Variants in TMEM128 observed in about 807,000 individuals in gnomAD.
TMEM128 encodes transmembrane protein 128.
TMEM128 carries 16 observed loss-of-function variants against 19.7 expected under a neutral mutation model. The observed-to-expected ratio is 0.81, with a 90% confidence interval of 0.55 to 1.23. The LOEUF (loss-of-function observed/expected upper bound fraction) is 1.23, where lower values mean the gene tolerates loss of function less well. Among genes scored for constraint, TMEM128 ranks in the 50% most tolerant of loss-of-function variants. TMEM128 has a pLI of 0.00. For missense variants in TMEM128, 237 were observed against 200.8 expected (o/e 1.18, Z -1.09); for synonymous variants, 98 against 75.8 (o/e 1.29, Z -1.52).
In TMEM128 at chr4:4,248,188, C is replaced by A; in HGVS notation, c.15G>T (p.Arg5=). The part of the protein sequence containing the change: MDSS[R]ARQQLRRRFL... ...ATCGCCGCCGGAGCTGCTGCCGGGC[C>A]CGCGAGGAGTCCATCTTGGTACCGC... Residue 5 remains arginine (R), a synonymous_variant, in exon 1 of 5, where the codon CGG becomes CGT. Coordinates refer to ENST00000382753, the MANE Select transcript of TMEM128 (RefSeq NM_001297551.2). The A allele has an allele frequency of 1.3e-6, 2 of 1,526,142 alleles. No homozygotes were observed. The highest frequency in any genetic ancestry group is 8.8e-7 in the Non-Finnish European group (1 of 1,137,310). 94.5% of individuals were successfully genotyped at this position (1,526,142 alleles called of 1,614,324 possible).
At chr4:4,245,851 TACC>T (rs1718148053) in intron 2 of TMEM128, among the ~76,000 whole-genome samples, 1 of 152,096 alleles carries the variant, frequency 6.6e-6, no homozygotes, top group South Asian at 2.1e-4. Context: ...GTGAAATTAT[TACC>T]ACAATCAAGT....
chr4:4,240,738 C>G (rs3894079), intron 2 of TMEM128, among the ~76,000 whole-genome samples: 47,065 of 152,016 alleles, frequency 0.31, 7,906 homozygotes, highest in East Asian at 0.46. Flanking sequence ...CATCAGCCAA[C>G]CAACCAAGGG....
At chr4:4,242,872 C>T (rs967218244) in intron 2 of TMEM128, among the ~76,000 whole-genome samples, 1 of 151,958 alleles carries the variant, frequency 6.6e-6, no homozygotes, top group Non-Finnish European at 1.5e-5. Flanking sequence ...AGTCAGTGGT[C>T]CTCGGCCCTG....
At chr4:4,247,747 A>G (rs1718248042) in intron 1 of TMEM128, 5 of 1,556,540 alleles carry the variant, frequency 3.2e-6, no homozygotes, top group Non-Finnish European at 4.4e-6. Flanking sequence ...CGGGCAAGGC[A>G]GATATTTCCA....
At chr4:4,239,665 A>G (rs759980393) in intron 3 of TMEM128, among the ~76,000 whole-genome samples, 1 of 152,226 alleles carries the variant, frequency 6.6e-6, no homozygotes, top group African/African-American at 2.4e-5. Flanking sequence ...TCTAAACACA[A>G]TCAACAAGGG....
intron 2 of TMEM128, among the ~76,000 whole-genome samples, chr4:4,242,662 G>A (rs887281310): frequency 5.9e-5 from 9 of 152,042 alleles, no homozygotes; most frequent in African/African-American, 2.2e-4. Flanking sequence ...GATATTACAG[G>A]TGCCCAACAC....
At chr4:4,244,832 ACACT>A (rs1419502496) in intron 2 of TMEM128, among the ~76,000 whole-genome samples, 1 of 152,206 alleles carries the variant, frequency 6.6e-6, no homozygotes, top group African/African-American at 2.4e-5. Flanking sequence ...TCTTCATCAC[ACACT>A]CAATCAGTCA....
intron 1 of TMEM128, 128 bp from the exon 2 acceptor site, chr4:4,246,471 TA>T (rs1718178860): frequency 1.1e-6 from 1 of 944,132 alleles, no homozygotes; most frequent in South Asian, 2.1e-5. Flanking sequence ...AATCCTTCTG[TA>T]AAACCCTTGA....
At chr4:4,239,949 G>A (rs1717881052) in intron 3 of TMEM128, among the ~76,000 whole-genome samples, 2 of 152,220 alleles carry the variant, frequency 1.3e-5, no homozygotes, top group African/African-American at 4.8e-5. Context: ...AACTGGGAGG[G>A]AGAATGAAGG....
chr4:4,242,094 G>A lies in TMEM128; in HGVS notation c.240-1615C>T, dbSNP rs1236930459. ...TTTTTGTATTTTTAGTAGAGATGGG[G>A]TTTCACCATGTCCATATTGGCCAGG... On this transcript the variant is annotated intron_variant, in intron 2 of 4. Coordinates refer to ENST00000382753, the MANE Select transcript of TMEM128 (RefSeq NM_001297551.2). Among the ~76,000 whole-genome samples, 35 of 152,168 alleles carry A rather than the reference G, an allele frequency of 2.3e-4. 1 individual carries two copies. Among genetic ancestry groups the A allele is most frequent in the Admixed American group, 2.2e-3 (34 of 15,280 alleles).
At chr4:4,246,120 C>T (rs1718159922) in intron 2 of TMEM128, 82 bp downstream of exon 2, 2 of 1,437,552 alleles carry the variant, frequency 1.4e-6, no homozygotes, top group East Asian at 2.3e-5. Context: ...TAGGTGCTTA[C>T]TGTTTGAAGA....
intron 2 of TMEM128, among the ~76,000 whole-genome samples, chr4:4,242,313 G>A (rs903841629): frequency 2.6e-5 from 4 of 151,760 alleles, no homozygotes; most frequent in African/African-American, 9.7e-5. Flanking sequence ...GGGGAGTATC[G>A]CCCCCAAAGT....
rs115345420 is a variant in TMEM128, at chr4:4,243,057, G to A, written c.240-2578C>T. ...AAACTGTGATTTCTAAAGCATCACA[G>A]TGTTGTTTTGTTATTATTTATTTAC... On this transcript the variant is annotated intron_variant, in intron 2 of 4. Coordinates refer to ENST00000382753, the MANE Select transcript of TMEM128 (RefSeq NM_001297551.2). 1.9e-3 allele frequency among the ~76,000 whole-genome samples: 294 copies of A among 152,218 alleles called. 1 individual carries two copies. The highest frequency in any genetic ancestry group is 6.6e-3 in the African/African-American group (272 of 41,524).
At position 4,248,098 on chromosome 4, in the gene TMEM128, C is replaced by T. The variant is rs1395490876; in HGVS notation, c.97+8G>A. 6.5e-7 allele frequency: 1 copy of T among 1,535,414 alleles called. No homozygotes were observed. Among genetic ancestry groups the T allele is most frequent in the Non-Finnish European group, 8.7e-7 (1 of 1,144,216 alleles). On this transcript the variant is annotated splice_region_variant and intron_variant, in intron 1 of 4. Coordinates refer to ENST00000382753, the MANE Select transcript of TMEM128 (RefSeq NM_001297551.2). ...GAGAACCTCGGGGCGGCTTGGTGCG[C>T]GCCTCACCCGGCCCGGCGTCACCCT...
chr4:4,236,336 T>C (rs1717719461), intron 4 of TMEM128, 80 bp from the exon 5 acceptor site: 1 of 152,144 alleles, frequency 6.6e-6, no homozygotes, highest in African/African-American at 2.4e-5. Flanking sequence ...TAAAACATTG[T>C]ATCTCAAGCT....
At chr4:4,243,161 T>G (rs1288939620) in intron 2 of TMEM128, among the ~76,000 whole-genome samples, 2 of 152,036 alleles carry the variant, frequency 1.3e-5, no homozygotes, top group Admixed American at 6.5e-5. Context: ...CTCACTGCAA[T>G]CTCCACCTGC....
chr4:4,236,543 G>C (rs922051918), intron 4 of TMEM128, among the ~76,000 whole-genome samples: 1 of 152,188 alleles, frequency 6.6e-6, no homozygotes, highest in Non-Finnish European at 1.5e-5. Context: ...AGTGTTCTGA[G>C]ATGTGTAGGA....
Position 4,240,497 on chromosome 4 carries a change from G to C in TMEM128, c.240-18C>G, listed in dbSNP as rs1560218145. The stretch of plus-strand genomic sequence containing the variant: ...GAAACCAGCTGTGGAGATAAAAACA[G>C]TAAGAGGTCTGACAGCACTTAATGA... On this transcript the variant is annotated intron_variant, in intron 2 of 4. Coordinates refer to ENST00000382753, the MANE Select transcript of TMEM128 (RefSeq NM_001297551.2). 6.2e-7 allele frequency: 1 copy of C among 1,608,084 alleles called. No homozygotes were observed. The highest frequency in any genetic ancestry group is 1.7e-5 in the Admixed American group (1 of 59,158).
intron 2 of TMEM128, among the ~76,000 whole-genome samples, chr4:4,243,268 G>A (rs1718034913): frequency 6.6e-6 from 1 of 152,050 alleles, no homozygotes; most frequent in African/African-American, 2.4e-5. Context: ...ATTTTTAGTA[G>A]AGACGGGGTT....
Sources: allele counts gnomAD v4.1 joint callset (sites outside exome capture counted in the v4.1 genomes callset), GRCh38; gene constraint gnomAD v4.1.1; transcripts MANE v1.5; gene names NCBI Gene and HGNC (gene_info 2026-07-23, HGNC 2026-07-21).